The following OTUD7B variants were observed in gnomAD, a reference collection of about 807,000 sequenced individuals.
The protein encoded by OTUD7B is OTU domain-containing protein 7B.
Under a neutral mutation model 82.2 loss-of-function variants are expected in OTUD7B, and 34 were observed. That is an observed-to-expected ratio of 0.41 (90% CI 0.31 to 0.55). The LOEUF is 0.55. Among genes scored for constraint, OTUD7B ranks in the 20% least tolerant of loss-of-function variants. The probability of loss-of-function intolerance (pLI) is 0.20; values close to 1 mark genes in which losing one functional copy is unlikely to be tolerated. For synonymous variants in OTUD7B, 398 were observed against 402.7 expected, an observed-to-expected ratio of 0.99 and a Z score of 0.14; for missense variants, 944 against 1,062.1, an observed-to-expected ratio of 0.89 and a Z score of 1.55.
the OTUD7B span, among the ~76,000 whole-genome samples, chr1:150,059,471 T>G: frequency 6.8e-6 from 1 of 147,566 alleles, no homozygotes; most frequent in South Asian, 2.2e-4. Context: ...CCAGGTTCAA[T>G]CGATTCTCCT....
At chr1:149,977,663 G>A in intron 1 of OTUD7B, 87 bp from the exon 2 acceptor site, 1 of 593,178 alleles carries the variant, frequency 1.7e-6, no homozygotes, top group Non-Finnish European at 3.0e-6. Context: ...AACCAAATGG[G>A]GAAACTATCC....
chr1:149,965,994 C>G, intron 4 of OTUD7B, 116 bp from the exon 5 acceptor site: 2 of 689,400 alleles, frequency 2.9e-6, no homozygotes, highest in South Asian at 3.6e-5. Context: ...AGAATAAAAC[C>G]ATCACTTGAT....
the OTUD7B span, among the ~76,000 whole-genome samples, chr1:150,036,264 T>TTC: frequency 6.7e-6 from 1 of 149,208 alleles, no homozygotes; most frequent in Non-Finnish European, 1.5e-5. Flanking sequence ...CATTGTAACT[T>TTC]TTTTTTTTTT....
rs1299074142 is a variant in OTUD7B at position 149,971,220 on chromosome 1, ACT to A, written c.115_116del (p.Ser39Ter). ...GKNWDVNAALSDFEQLRQVHA... is the reference protein window; with the variant it reads ...GKNWDVNAALXDFEQLRQVHA... Reference sequence around the variant, plus strand: ...GGACTTGACGTAGCTGTTCAAAATCACTGAGGGCGGCATTCACATCCCAATTC... The same window carrying A: ...GGACTTGACGTAGCTGTTCAAAATCAGAGGGCGGCATTCACATCCCAATTC... On this transcript the variant is annotated frameshift_variant, in exon 3 of 12. Coordinates refer to ENST00000581312, the MANE Select transcript of OTUD7B (RefSeq NM_020205.4). LOFTEE classifies it high-confidence loss of function. 6.2e-7 allele frequency: 1 copy of A among 1,612,132 alleles called. No individual in the cohort carries two copies. The highest frequency in any genetic ancestry group is 1.3e-5 in the African/African-American group (1 of 74,876).
the OTUD7B span, among the ~76,000 whole-genome samples, chr1:150,035,015 G>A: frequency 2.0e-5 from 3 of 151,960 alleles, no homozygotes; most frequent in African/African-American, 7.2e-5. Context: ...ATGGTGGTGT[G>A]CACCTGTAAT....
At chr1:150,008,939 G>A (rs1014558915) in intron 1 of OTUD7B, among the ~76,000 whole-genome samples, 2 of 152,148 alleles carry the variant, frequency 1.3e-5, no homozygotes, top group Non-Finnish European at 2.9e-5. Flanking sequence ...GTCAATAGTG[G>A]AAATTAGAAC....
At chr1:149,961,781 A>G (rs1217375899) in intron 6 of OTUD7B, 1 of 152,240 alleles carries the variant, frequency 6.6e-6, no homozygotes, top group Non-Finnish European at 1.5e-5. Flanking sequence ...CCCAAGGTCT[A>G]TTTTGTGACT....
the OTUD7B span, among the ~76,000 whole-genome samples, chr1:150,031,462 T>C: frequency 1.3e-5 from 2 of 152,222 alleles, no homozygotes; most frequent in African/African-American, 4.8e-5. Flanking sequence ...AGAACAGTAA[T>C]TGGAGAAGCC....
At chr1:150,025,737 C>G in the OTUD7B span, among the ~76,000 whole-genome samples, 2 of 152,140 alleles carry the variant, frequency 1.3e-5, no homozygotes, top group Admixed American at 6.6e-5. Context: ...GGTGACCATC[C>G]TCAGACAAAT....
chr1:150,039,381 A>C, the OTUD7B span, among the ~76,000 whole-genome samples: 1 of 4,540 alleles, frequency 2.2e-4, no homozygotes, highest in South Asian at 0.014. Context: ...ATTTATTAAA[A>C]AAAAAATTTT....
At chr1:150,065,090 C>CT in the OTUD7B span, among the ~76,000 whole-genome samples, 147,638 of 148,314 alleles carry the variant, frequency 1, 73,481 homozygotes, top group East Asian at 1. Flanking sequence ...GTAAATAGTG[C>CT]TTTTTTTTTT....
At chr1:149,976,026 G>A (rs1468201594) in intron 2 of OTUD7B, among the ~76,000 whole-genome samples, 5 of 149,556 alleles carry the variant, frequency 3.3e-5, no homozygotes, top group Non-Finnish European at 3.0e-5. Context: ...GTCTCAAAAA[G>A]AAAAAAAAAG....
chr1:149,955,006 AT>A (rs1159485160), intron 7 of OTUD7B, among the ~76,000 whole-genome samples: 75 of 152,070 alleles, frequency 4.9e-4, no homozygotes, highest in Admixed American at 4.2e-3. Flanking sequence ...TCCTGGATTC[AT>A]TGATTTTTTG....
chr1:150,062,994 G>A, the OTUD7B span, among the ~76,000 whole-genome samples: 22 of 151,344 alleles, frequency 1.5e-4, no homozygotes, highest in Non-Finnish European at 2.6e-4. Context: ...GATTACAGGC[G>A]TGACCCACCA....
the OTUD7B span, among the ~76,000 whole-genome samples, chr1:150,016,576 C>T: frequency 6.6e-6 from 1 of 151,910 alleles, no homozygotes; most frequent in Admixed American, 6.6e-5. Context: ...CCCCAGCCTC[C>T]TGAGTAGCTG....
intron 7 of OTUD7B, among the ~76,000 whole-genome samples, chr1:149,956,864 T>A (rs751929789): frequency 2.6e-5 from 4 of 152,240 alleles, no homozygotes; most frequent in Non-Finnish European, 5.9e-5. Context: ...ATAGTTCTTA[T>A]GCCATGGTTT....
chr1:149,980,519 G>C (rs1650642178), intron 1 of OTUD7B, among the ~76,000 whole-genome samples: 1 of 151,736 alleles, frequency 6.6e-6, no homozygotes, highest in Non-Finnish European at 1.5e-5. Flanking sequence ...TCAGGAGTTT[G>C]AAACCAGCCA....
chr1:150,043,110 A>G, the OTUD7B span, among the ~76,000 whole-genome samples: 42 of 152,304 alleles, frequency 2.8e-4, no homozygotes, highest in Admixed American at 1.2e-3. Context: ...TATTATAAGT[A>G]TATATACTGA....
chr1:150,065,650 G>C, the OTUD7B span, among the ~76,000 whole-genome samples: 1 of 152,068 alleles, frequency 6.6e-6, no homozygotes, highest in Non-Finnish European at 1.5e-5. Flanking sequence ...GGTTTATCCT[G>C]GATGAGTCAC....
Sources: gnomAD v4.1 joint callset for allele counts (sites outside exome capture counted in the v4.1 genomes callset) on GRCh38, gnomAD v4.1.1 for gene constraint, MANE v1.5 for transcripts, NCBI Gene and HGNC (gene_info 2026-07-23, HGNC 2026-07-21) for gene names.